The following SOX6 variants were observed in gnomAD, a reference collection of about 807,000 sequenced individuals.
SOX6 encodes the protein transcription factor SOX-6.
In SOX6, 11 loss-of-function variants were observed where a neutral mutation model predicts 97.8. The observed-to-expected ratio is 0.11, with a 90% CI of 0.07 to 0.19. The LOEUF (loss-of-function observed/expected upper bound fraction) is 0.19, where lower values mean the gene tolerates loss of function less well. SOX6 is among the 10% of genes least tolerant of loss of function. The pLI, the probability that SOX6 is intolerant of heterozygous loss-of-function variation, is 1.00. For synonymous variants in SOX6, 360 were observed against 371.4 expected, an observed-to-expected ratio of 0.97 and a Z score of 0.35; for missense variants, 810 against 1,039.5, an observed-to-expected ratio of 0.78 and a Z score of 3.04.
At chr11:16,471,669 G>A (rs10832614) in intron 1 of SOX6, among the ~76,000 whole-genome samples, 33,386 of 152,064 alleles carry the variant, frequency 0.22, 4,170 homozygotes, top group East Asian at 0.51. Context: ...TGGTTGAACA[G>A]TTTCCACAAC....
intron 7 of SOX6, among the ~76,000 whole-genome samples, chr11:16,106,476 G>A (rs1473096684): frequency 1.3e-5 from 2 of 151,888 alleles, no homozygotes; most frequent in Non-Finnish European, 2.9e-5. Flanking sequence ...AAAAACCATT[G>A]AATGGGGGAA....
In SOX6 at chr11:16,341,091, G is replaced by A. The variant is rs762108403; in HGVS notation, c.158C>T (p.Ser53Phe). The A allele has an allele frequency of 1.2e-6, 2 of 1,613,440 alleles. No individual in the cohort carries two copies. The highest frequency in any genetic ancestry group is 2.7e-5 in the African/African-American group (2 of 74,880). Reference protein sequence around the residue: ...LHPIMHNKPHSEELPTLVSTI... With the variant: ...LHPIMHNKPHFEELPTLVSTI... ...ACTGACAAGTGTTGGTAGCTCCTCA[G>A]AGTGAGGTTTGTTGTGCATTATGGG... The change falls in exon 2 of 16, where the codon TCT becomes TTT. Residue 53 changes from serine to phenylalanine, a missense_variant. Coordinates refer to ENST00000683767, the MANE Select transcript of SOX6 (RefSeq NM_001367873.1).
intron 2 of SOX6, among the ~76,000 whole-genome samples, chr11:16,734,156 A>G (rs545893348): frequency 1.3e-5 from 2 of 152,272 alleles, no homozygotes; most frequent in South Asian, 4.1e-4. Context: ...AAAATAATCA[A>G]GTTAATATTT....
intron 3 of SOX6, among the ~76,000 whole-genome samples, chr11:16,614,600 G>A (rs796652049): frequency 6.6e-6 from 1 of 151,910 alleles, no homozygotes; most frequent in South Asian, 2.1e-4. Context: ...CTATATTCAC[G>A]CCTTGCACTA....
chr11:15,982,779 T>C (rs1023118952), intron 15 of SOX6, among the ~76,000 whole-genome samples: 1 of 152,030 alleles, frequency 6.6e-6, no homozygotes, highest in African/African-American at 2.4e-5. Context: ...TTTTAAAAAA[T>C]ATTTTTGATC....
chr11:16,372,774 A>G (rs889636714), intron 1 of SOX6, among the ~76,000 whole-genome samples: 22 of 152,254 alleles, frequency 1.4e-4, no homozygotes, highest in African/African-American at 5.1e-4. Flanking sequence ...AGATTAGTCA[A>G]TTTGATATCA....
At chr11:16,587,702 G>A (rs1848110125) in intron 4 of SOX6, among the ~76,000 whole-genome samples, 1 of 152,192 alleles carries the variant, frequency 6.6e-6, no homozygotes, top group Non-Finnish European at 1.5e-5. Flanking sequence ...GAAAATAGGG[G>A]TGTTATTTAT....
chr11:16,083,993 T>G (rs1213829285), intron 9 of SOX6, among the ~76,000 whole-genome samples: 5 of 152,134 alleles, frequency 3.3e-5, no homozygotes, highest in Non-Finnish European at 7.4e-5. Context: ...GAAGGCTTTA[T>G]TTTCAATAAC....
chr11:16,121,369 C>A (rs1849485373), intron 6 of SOX6, among the ~76,000 whole-genome samples: 1 of 151,944 alleles, frequency 6.6e-6, no homozygotes, highest in African/African-American at 2.4e-5. Flanking sequence ...ACATGCTACT[C>A]CAAAAGAGAA....
chr11:16,375,281 C>A (rs1376448550), intron 1 of SOX6, among the ~76,000 whole-genome samples: 3 of 152,098 alleles, frequency 2.0e-5, no homozygotes, highest in African/African-American at 7.2e-5. Context: ...CTTCTCATCA[C>A]ACCTAATCTC....
At chr11:16,659,013 G>A (rs1390566471) in intron 3 of SOX6, among the ~76,000 whole-genome samples, 1 of 151,864 alleles carries the variant, frequency 6.6e-6, no homozygotes, top group Non-Finnish European at 1.5e-5. Context: ...TCTTAACAAT[G>A]TCATCTGCAG....
chr11:16,169,925 TAAA>T (rs10603433), intron 6 of SOX6, among the ~76,000 whole-genome samples: 53 of 148,960 alleles, frequency 3.6e-4, no homozygotes, highest in African/African-American at 4.2e-4. Context: ...TGTGTTTATG[TAAA>T]AAAAAAAAAA....
intron 3 of SOX6, among the ~76,000 whole-genome samples, chr11:16,696,661 T>G (rs1419555488): frequency 6.6e-6 from 1 of 152,232 alleles, no homozygotes; most frequent in Non-Finnish European, 1.5e-5. Context: ...AATACTTTAT[T>G]GCTGAAAAAT....
At chr11:16,321,117 G>T (rs1289988422) in intron 2 of SOX6, among the ~76,000 whole-genome samples, 1 of 152,114 alleles carries the variant, frequency 6.6e-6, no homozygotes, top group Non-Finnish European at 1.5e-5. Flanking sequence ...AAAATGCAGA[G>T]ATATATTTGT....
rs1847639051 is a variant in SOX6 at position 16,049,811 on chromosome 11, T to C, written c.1379A>G (p.Asn460Ser). ...ASKTSPVNLP[N>S]KSSIPSPIGG... ...AATGGGGCTAGGGATGCTGCTTTTG[T>C]TTGGCAGATTGACAGGGCTGGTTTT... is the stretch of plus-strand genomic sequence containing the variant. Residue 460 changes from asparagine to serine, a missense_variant, in exon 11 of 16, where the codon AAC becomes AGC. Around this residue, in one of 9 missense-constraint regions of SOX6, gnomAD observed 244 missense variants for 261.0 expected, o/e 0.93. Transcript: ENST00000683767. The C allele has an allele frequency of 1.2e-6, 2 of 1,613,728 alleles. No individual in the cohort carries two copies. Among genetic ancestry groups the C allele is most frequent in the East Asian group, 2.2e-5 (1 of 44,850 alleles).
chr11:16,679,095 G>A (rs1590048984), intron 3 of SOX6, among the ~76,000 whole-genome samples: 2 of 152,184 alleles, frequency 1.3e-5, no homozygotes, highest in African/African-American at 4.8e-5. Flanking sequence ...TGACAGCTCT[G>A]AAGAGAGCAG....
intron 3 of SOX6, among the ~76,000 whole-genome samples, chr11:16,627,431 A>C (rs1044984844): frequency 1.3e-5 from 2 of 152,154 alleles, no homozygotes; most frequent in African/African-American, 4.8e-5. Flanking sequence ...TTACATCTCC[A>C]CCAACAACGT....
intron 3 of SOX6, among the ~76,000 whole-genome samples, chr11:16,629,089 G>A (rs1848667407): frequency 1.3e-5 from 2 of 152,246 alleles, no homozygotes; most frequent in South Asian, 4.1e-4. Flanking sequence ...TTTCATTTCT[G>A]TCTCTTGCCT....
intron 1 of SOX6, among the ~76,000 whole-genome samples, chr11:16,377,901 A>G (rs1016794775): frequency 1.3e-5 from 2 of 152,218 alleles, no homozygotes; most frequent in Non-Finnish European, 2.9e-5. Flanking sequence ...TAAGCTGATC[A>G]AAACACTACG....
Sources: gnomAD v4.1 joint callset for allele counts (sites outside exome capture counted in the v4.1 genomes callset) on GRCh38, gnomAD v4.1.1 for gene constraint, gnomAD v4.1.1 regional missense constraint, MANE v1.5 for transcripts, NCBI Gene and HGNC (gene_info 2026-07-23, HGNC 2026-07-21) for gene names.